Variants in USH2A observed in about 807,000 individuals in gnomAD.
The protein encoded by USH2A is usherin, also known as Usher syndrome 2A (autosomal recessive, mild).
A neutral mutation model predicts 538.9 loss-of-function variants in USH2A; 443 were observed. That is an observed-to-expected ratio of 0.82 (90% confidence interval 0.76 to 0.89). The LOEUF (loss-of-function observed/expected upper bound fraction) is 0.89, where lower values mean the gene tolerates loss of function less well. Among genes scored for constraint, USH2A ranks in the 40% least tolerant of loss-of-function variants. The probability of loss-of-function intolerance (pLI) is 0.00; values close to 1 mark genes in which losing one functional copy is unlikely to be tolerated. For synonymous variants in USH2A, 2,413 were observed against 2,273.5 expected (o/e 1.06, Z -1.75); for missense variants, 6,633 against 6,324.8 (o/e 1.05, Z -1.65).
intron 21 of USH2A, among the ~76,000 whole-genome samples, chr1:216,101,865 C>G (rs1402303004): frequency 6.6e-6 from 1 of 152,156 alleles, no homozygotes; most frequent in Non-Finnish European, 1.5e-5. Flanking sequence ...GTAAAATAAA[C>G]TTACATCCAT....
At chr1:216,343,960 G>C (rs2038127137) in intron 4 of USH2A, among the ~76,000 whole-genome samples, 1 of 151,928 alleles carries the variant, frequency 6.6e-6, no homozygotes, top group Non-Finnish European at 1.5e-5. Context: ...GCTCTACACG[G>C]AGTAGCCATT....
intron 4 of USH2A, 145 bp downstream of exon 4, chr1:216,364,808 A>G: frequency 9.1e-7 from 1 of 1,100,074 alleles, no homozygotes; most frequent in Non-Finnish European, 1.3e-6. Context: ...TACTTTCATT[A>G]ATCTGCCATC....
chr1:216,159,556 AC>A, intron 21 of USH2A, among the ~76,000 whole-genome samples: 1 of 151,288 alleles, frequency 6.6e-6, no homozygotes, highest in South Asian at 2.1e-4. Flanking sequence ...ACACACACAC[AC>A]ACACACACAC....
intron 26 of USH2A, among the ~76,000 whole-genome samples, chr1:216,079,808 T>G (rs1336382684): frequency 6.6e-6 from 1 of 151,954 alleles, no homozygotes; most frequent in East Asian, 1.9e-4. Context: ...ATATTGAGAG[T>G]CATTAAAATA....
At chr1:215,676,191 A>G (rs1191744041) in intron 62 of USH2A, among the ~76,000 whole-genome samples, 2 of 152,122 alleles carry the variant, frequency 1.3e-5, no homozygotes, top group African/African-American at 4.8e-5. Flanking sequence ...ATGTACATAT[A>G]TACATGTATA....
intron 50 of USH2A, among the ~76,000 whole-genome samples, chr1:215,794,785 G>A (rs1229906347): frequency 1.3e-5 from 2 of 152,126 alleles, no homozygotes; most frequent in Admixed American, 6.5e-5. Flanking sequence ...ACTGGCATGC[G>A]ACATCATCTT....
At chr1:215,716,206 G>GA (rs1558066889) in intron 61 of USH2A, among the ~76,000 whole-genome samples, 1 of 152,156 alleles carries the variant, frequency 6.6e-6, no homozygotes, top group African/African-American at 2.4e-5. Context: ...GGGGGGCGGG[G>GA]GGGCCCGCCA....
intron 3 of USH2A, among the ~76,000 whole-genome samples, chr1:216,416,174 A>G (rs956465139): frequency 1.3e-5 from 2 of 152,132 alleles, no homozygotes; most frequent in Non-Finnish European, 2.9e-5. Context: ...CTCAAAAAAA[A>G]ATCTATAATA....
chr1:216,009,633 T>TTC (rs2102490879), intron 32 of USH2A, among the ~76,000 whole-genome samples: 1 of 152,114 alleles, frequency 6.6e-6, no homozygotes, highest in South Asian at 2.1e-4. Flanking sequence ...GGCTGAGTCT[T>TTC]TCTAACCTTC....
chr1:215,956,918 A>C (rs1418499058), intron 37 of USH2A, among the ~76,000 whole-genome samples: 1 of 152,180 alleles, frequency 6.6e-6, no homozygotes, highest in Non-Finnish European at 1.5e-5. Flanking sequence ...GTGTCAATAC[A>C]TTCAGTGCAT....
intron 29 of USH2A, among the ~76,000 whole-genome samples, chr1:216,071,594 G>A (rs1474085329): frequency 6.6e-6 from 1 of 152,126 alleles, no homozygotes; most frequent in Non-Finnish European, 1.5e-5. Context: ...TATGGCATAG[G>A]GCTGTGGTCA....
intron 43 of USH2A, among the ~76,000 whole-genome samples, chr1:215,873,310 T>C (rs1383250792): frequency 3.3e-5 from 5 of 152,222 alleles, no homozygotes; most frequent in African/African-American, 1.2e-4. Flanking sequence ...ATTAACAGGA[T>C]CTATCTCATC....
chr1:215,802,559 A>T (rs929636207), intron 49 of USH2A, among the ~76,000 whole-genome samples: 3 of 152,150 alleles, frequency 2.0e-5, no homozygotes, highest in South Asian at 2.1e-4. Flanking sequence ...TCAAAACCAC[A>T]ATGAGATACC....
At chr1:215,806,885 T>A (rs1662520376) in intron 49 of USH2A, among the ~76,000 whole-genome samples, 1 of 152,074 alleles carries the variant, frequency 6.6e-6, no homozygotes, top group African/African-American at 2.4e-5. Flanking sequence ...GCACTCAGGC[T>A]CACAGTATCT....
intron 3 of USH2A, among the ~76,000 whole-genome samples, chr1:216,402,799 C>T (rs1157233391): frequency 6.6e-6 from 1 of 152,076 alleles, no homozygotes; most frequent in Admixed American, 6.5e-5. Context: ...GGAGTCAATA[C>T]CCCAAGCCCT....
At chr1:216,332,506 G>T (rs2037887902) in intron 4 of USH2A, among the ~76,000 whole-genome samples, 1 of 152,036 alleles carries the variant, frequency 6.6e-6, no homozygotes, top group Non-Finnish European at 1.5e-5. Flanking sequence ...AGGTATATGC[G>T]CATGCTAAAG....
At chr1:216,373,755 G>A (rs1347406481) in intron 3 of USH2A, among the ~76,000 whole-genome samples, 1 of 117,892 alleles carries the variant, frequency 8.5e-6, no homozygotes, top group African/African-American at 2.7e-5. Flanking sequence ...ATCACATGTT[G>A]CCTTTAGTTG....
rs541413968 is a variant in USH2A, at chr1:216,388,590, C to T, written c.652-23505G>A. ...GAACACAGTGAACAAGAAAACATAT[C>T]ACTTTTAACATAAAAGCAGCTTTCT... On this transcript the variant is annotated intron_variant, in intron 3 of 71. Coordinates refer to ENST00000307340, the MANE Select transcript of USH2A (RefSeq NM_206933.4). 1.6e-4 allele frequency among the ~76,000 whole-genome samples: 24 copies of T among 152,268 alleles called. 1 individual carries two copies. In the South Asian group the frequency reaches 4.4e-3, roughly 28 times the overall value.
At chr1:216,184,920 T>G (rs1401079207) in intron 20 of USH2A, among the ~76,000 whole-genome samples, 1 of 151,942 alleles carries the variant, frequency 6.6e-6, no homozygotes, top group African/African-American at 2.4e-5. Flanking sequence ...ACTTCTAAGC[T>G]TGTAGTATGG....
Sources: gnomAD v4.1 joint callset for allele counts (sites outside exome capture counted in the v4.1 genomes callset) on GRCh38, gnomAD v4.1.1 for gene constraint, MANE v1.5 for transcripts, NCBI Gene and HGNC (gene_info 2026-07-23, HGNC 2026-07-21) for gene names.